Variants in ROBO1 observed in about 807,000 individuals in gnomAD.
The protein encoded by ROBO1 is roundabout homolog 1.
A neutral mutation model predicts 195.9 loss-of-function variants in ROBO1; 149 were observed. The ratio of observed to expected loss-of-function variants is 0.76; its 90% confidence interval spans 0.67 to 0.87. ROBO1 has a LOEUF of 0.87. ROBO1 is among the 40% of genes least tolerant of loss of function. The pLI, the probability that ROBO1 is intolerant of heterozygous loss-of-function variation, is 0.00. For synonymous variants in ROBO1, 816 were observed against 733.2 expected, an observed-to-expected ratio of 1.11 and a Z score of -1.82; for missense variants, 1,933 against 2,068.3, an observed-to-expected ratio of 0.93 and a Z score of 1.27.
intron 1 of ROBO1, among the ~76,000 whole-genome samples, chr3:79,696,577 T>C (rs1947456412): frequency 6.6e-6 from 1 of 151,218 alleles, no homozygotes; most frequent in Admixed American, 6.6e-5. Flanking sequence ...TGGACTTTTG[T>C]ATTGTTTTCT....
At chr3:78,819,061 G>A (rs1320732664) in intron 4 of ROBO1, among the ~76,000 whole-genome samples, 1 of 152,078 alleles carries the variant, frequency 6.6e-6, no homozygotes, top group Non-Finnish European at 1.5e-5. Flanking sequence ...GGCGACCATT[G>A]GGGGTCTTGG....
At chr3:79,157,254 T>TCTA (rs1289143842) in intron 2 of ROBO1, among the ~76,000 whole-genome samples, 1 of 151,898 alleles carries the variant, frequency 6.6e-6, no homozygotes, top group Non-Finnish European at 1.5e-5. Flanking sequence ...TTTTTTAGTG[T>TCTA]CTACCATCAT....
At chr3:79,728,367 A>T (rs1344060197) in intron 1 of ROBO1, among the ~76,000 whole-genome samples, 1 of 152,170 alleles carries the variant, frequency 6.6e-6, no homozygotes, top group African/African-American at 2.4e-5. Context: ...CACTTGATAA[A>T]GAAAACATGT....
intron 18 of ROBO1, 52 bp downstream of exon 18, chr3:78,657,046 G>C: frequency 6.7e-7 from 1 of 1,494,498 alleles, no homozygotes; most frequent in Non-Finnish European, 8.9e-7. Context: ...AAGCAAAGTG[G>C]GACACATGGT....
intron 3 of ROBO1, among the ~76,000 whole-genome samples, chr3:79,073,726 T>C (rs944068480): frequency 6.6e-5 from 10 of 151,812 alleles, no homozygotes; most frequent in African/African-American, 2.4e-4. Flanking sequence ...GAGTTCGCTT[T>C]ATGCCGTCTA....
chr3:79,212,591 G>A (rs925351468), intron 2 of ROBO1, among the ~76,000 whole-genome samples: 5 of 152,066 alleles, frequency 3.3e-5, no homozygotes, highest in African/African-American at 9.7e-5. Context: ...GAGACTGAGG[G>A]CGCAGATCAC....
intron 2 of ROBO1, among the ~76,000 whole-genome samples, chr3:79,249,794 A>C (rs897927371): frequency 1.3e-5 from 2 of 152,204 alleles, no homozygotes; most frequent in African/African-American, 4.8e-5. Flanking sequence ...CACAGTGTAG[A>C]AGAAAGAAGT....
chr3:79,552,446 C>A (rs1239655611), intron 2 of ROBO1, among the ~76,000 whole-genome samples: 2 of 151,932 alleles, frequency 1.3e-5, no homozygotes, highest in East Asian at 3.9e-4. Context: ...TGCATTTTGT[C>A]TTTTTAAATT....
At chr3:78,903,563 A>C (rs1041916225) in intron 4 of ROBO1, among the ~76,000 whole-genome samples, 3 of 151,932 alleles carry the variant, frequency 2.0e-5, no homozygotes, top group Non-Finnish European at 4.4e-5. Context: ...ACACACACAC[A>C]CACACACACA....
At chr3:78,963,769 G>A (rs1007978816) in intron 3 of ROBO1, among the ~76,000 whole-genome samples, 5 of 151,956 alleles carry the variant, frequency 3.3e-5, no homozygotes, top group Admixed American at 1.3e-4. Flanking sequence ...CACCCGCCTC[G>A]GCTTCCCAAA....
intron 2 of ROBO1, among the ~76,000 whole-genome samples, chr3:79,542,960 A>G (rs1456837360): frequency 6.6e-6 from 1 of 152,116 alleles, no homozygotes; most frequent in Non-Finnish European, 1.5e-5. Context: ...ATCACATTTT[A>G]TTATAAAATA....
At chr3:79,575,237 A>ATAACAAATATATATATATAACAAATAT (rs1560007458) in intron 2 of ROBO1, among the ~76,000 whole-genome samples, 1 of 72,408 alleles carries the variant, frequency 1.4e-5, no homozygotes, top group African/African-American at 6.4e-5. Context: ...AATATATATA[A>ATAACAAATATATATATATAACAAATAT]ATATATATAA....
At chr3:78,893,118 T>C (rs752507961) in intron 4 of ROBO1, among the ~76,000 whole-genome samples, 6 of 152,206 alleles carry the variant, frequency 3.9e-5, no homozygotes, top group Non-Finnish European at 7.3e-5. Context: ...TTCTGAATGC[T>C]TTTGTCATAG....
chr3:79,655,589 A>G (rs1391588186), intron 1 of ROBO1, among the ~76,000 whole-genome samples: 2 of 152,068 alleles, frequency 1.3e-5, no homozygotes, highest in Non-Finnish European at 2.9e-5. Flanking sequence ...AGGAACAATG[A>G]CTAGCTTCAA....
intron 2 of ROBO1, among the ~76,000 whole-genome samples, chr3:79,578,294 T>A (rs1280578276): frequency 6.6e-6 from 1 of 152,098 alleles, no homozygotes; most frequent in Admixed American, 6.6e-5. Context: ...ACAATAAAAC[T>A]AAAGTTGTAA....
intron 3 of ROBO1, among the ~76,000 whole-genome samples, chr3:79,045,684 C>T (rs1412518772): frequency 1.3e-5 from 2 of 152,138 alleles, no homozygotes; most frequent in Non-Finnish European, 1.5e-5. Context: ...AGGAACTAGA[C>T]GGTGCCCTAC....
intron 2 of ROBO1, among the ~76,000 whole-genome samples, chr3:79,423,406 A>G (rs2038312763): frequency 6.6e-6 from 1 of 152,194 alleles, no homozygotes; most frequent in Non-Finnish European, 1.5e-5. Flanking sequence ...ATAGGAAGTA[A>G]TGACATGTTA....
chr3:78,804,105 C>T (rs2084455453), intron 4 of ROBO1, among the ~76,000 whole-genome samples: 1 of 152,132 alleles, frequency 6.6e-6, no homozygotes, highest in African/African-American at 2.4e-5. Context: ...CTCCGCTCAT[C>T]AGCACTATGA....
intron 2 of ROBO1, among the ~76,000 whole-genome samples, chr3:79,293,162 A>C (rs925531779): frequency 1.3e-5 from 2 of 152,100 alleles, no homozygotes; most frequent in Non-Finnish European, 2.9e-5. Flanking sequence ...GTTTATTTGC[A>C]TAGAGGTGTT....
Sources: gnomAD v4.1 joint callset for allele counts (sites outside exome capture counted in the v4.1 genomes callset) on GRCh38, gnomAD v4.1.1 for gene constraint, MANE v1.5 for transcripts, NCBI Gene and HGNC (gene_info 2026-07-23, HGNC 2026-07-21) for gene names.